TRIOBP: variants seen among roughly 807,000 people sequenced by gnomAD.
TRIOBP encodes the protein TRIO and F-actin-binding protein.
Under a neutral mutation model 238.8 loss-of-function variants are expected in TRIOBP, and 169 were observed. That is an observed-to-expected ratio of 0.71 (90% CI 0.62 to 0.80). TRIOBP has a LOEUF of 0.80. TRIOBP is among the 30% of genes least tolerant of loss of function. The pLI is 0.00. For missense variants in TRIOBP, 2,838 were observed against 3,122.6 expected, an observed-to-expected ratio of 0.91 and a Z score of 2.17; for synonymous variants, 1,150 against 1,274.4, an observed-to-expected ratio of 0.90 and a Z score of 2.08.
chr22:37,711,271 A>AAAAC (rs1436192820), intron 4 of TRIOBP, among the ~76,000 whole-genome samples: 2 of 152,306 alleles, frequency 1.3e-5, no homozygotes, highest in Admixed American at 6.5e-5. Flanking sequence ...TAGGCATATT[A>AAAAC]AAACAAACAA....
chr22:37,745,996 G>A (rs1350339276), intron 11 of TRIOBP, among the ~76,000 whole-genome samples: 1 of 137,506 alleles, frequency 7.3e-6, no homozygotes, highest in Non-Finnish European at 1.6e-5. Context: ...GGGCCCGCCC[G>A]CCCTCCGGCC....
Position 37,733,441 on chromosome 22 carries a change from G to A in TRIOBP, c.4062+29G>A, listed in dbSNP as rs950853963. 2.2e-5 allele frequency: 34 copies of A among 1,517,274 alleles called. 1 individual carries two copies. The highest frequency in any genetic ancestry group is 2.0e-4 in the Admixed American group (10 of 50,942). The allele number at this position is 1,517,274 out of a possible 1,614,324, so 94.0% of individuals were successfully genotyped here. ...AGCACTGCCAGCTGTCTGGGGCCCCGCACCCCAAGGGGCGGCCACTGCCTC... is the reference window on the plus strand; with the variant it reads ...AGCACTGCCAGCTGTCTGGGGCCCCACACCCCAAGGGGCGGCCACTGCCTC... On this transcript the variant is annotated intron_variant, in intron 8 of 23. Coordinates refer to ENST00000644935, the MANE Select transcript of TRIOBP (RefSeq NM_001039141.3).
In TRIOBP at chr22:37,719,202, CAAAT is replaced by C. The variant is rs57821341; in HGVS notation, c.628+3299_628+3302del. On this transcript the variant is annotated intron_variant, in intron 6 of 23. Coordinates refer to ENST00000644935, the MANE Select transcript of TRIOBP (RefSeq NM_001039141.3). ...TGGGCAACAGAATAAGACTCCATCT[CAAAT>C]AAATAAATAAATAAATAAATAAATA... Among the ~76,000 whole-genome samples, 260 of 145,918 alleles carry C rather than the reference CAAAT, an allele frequency of 1.8e-3. 1 individual carries two copies. Among genetic ancestry groups the C allele is most frequent in the South Asian group, 2.5e-3 (11 of 4,436 alleles).
Position 37,726,137 on chromosome 22 carries a change from C to T in TRIOBP, c.3581C>T (p.Thr1194Ile). Reference protein sequence around the residue: ...PSLFFQDPPGTSMESLAPSTD... With the variant: ...PSLFFQDPPGISMESLAPSTD... ...CTCTTCTTCCAGGATCCCCCTGGAA[C>T]TAGTATGGAGAGCCTGGCCCCCTCC... is the stretch of plus-strand genomic sequence containing the variant. Residue 1194 changes from threonine (T) to isoleucine (I), a missense_variant, in exon 7 of 24, where the codon ACT becomes ATT. Thr to Ile is a moderately conservative substitution (Grantham distance 89). Coordinates refer to ENST00000644935, the MANE Select transcript of TRIOBP (RefSeq NM_001039141.3). The T allele has an allele frequency of 6.4e-7, 1 of 1,553,376 alleles. No individual in the cohort carries two copies. The highest frequency in any genetic ancestry group is 1.4e-5 in the African/African-American group (1 of 73,384).
chr22:37,701,938 G>A (rs1922672342), intron 3 of TRIOBP, among the ~76,000 whole-genome samples: 1 of 152,028 alleles, frequency 6.6e-6, no homozygotes, highest in African/African-American at 2.4e-5. Flanking sequence ...AACCAGCCTG[G>A]CCAACATGGT....
chr22:37,725,387 G>A lies in TRIOBP; in HGVS notation c.2831G>A (p.Gly944Asp), dbSNP rs1390516827. ...TCCATCGCCCTCCGGCCAACCCAAG[G>A]TGACAGGCCTCAGACATCCTCTCCC... is the stretch of plus-strand genomic sequence containing the variant. ...WASIALRPTQ[G>D]DRPQTSSPSR... Residue 944 changes from glycine (G) to aspartate (D), a missense_variant, in exon 7 of 24, where the codon GGT becomes GAT. This residue lies in a region of TRIOBP where 2,096 missense variants were observed against 2,137.4 expected (regional missense o/e 0.98). Transcript: ENST00000644935. 1 of 1,611,744 alleles carries A rather than the reference G, an allele frequency of 6.2e-7. No individual in the cohort carries two copies. Among genetic ancestry groups the A allele is most frequent in the East Asian group, 2.2e-5 (1 of 44,826 alleles).
At chr22:37,727,985 C>T (rs1350895685) in intron 7 of TRIOBP, among the ~76,000 whole-genome samples, 3 of 152,166 alleles carry the variant, frequency 2.0e-5, no homozygotes, top group Non-Finnish European at 4.4e-5. Flanking sequence ...TATAATTCAA[C>T]GAATTTTTAG....
At position 37,746,420 on chromosome 22, in the gene TRIOBP, G is replaced by T. The variant is rs781215035; in HGVS notation, c.5323-5352G>T. 9 of 1,419,420 alleles carry T rather than the reference G, an allele frequency of 6.3e-6. No homozygotes were observed. The South Asian group carries it at 1.1e-4, about 17-fold the overall frequency. 87.9% of individuals were successfully genotyped at this position (1,419,420 alleles called of 1,614,324 possible). A position where few individuals can be genotyped will look rare whatever the true frequency, so the allele number is the denominator to read the frequency against. ...CGCCGCCCTGGGGCGCCGCCATGAC[G>T]GTGAGTGCCCCAGTCAGCCGCCCGC... On this transcript the variant is annotated intron_variant, in intron 11 of 23. Coordinates refer to ENST00000644935, the MANE Select transcript of TRIOBP (RefSeq NM_001039141.3).
In TRIOBP at chr22:37,740,915, G is replaced by A; in HGVS notation, c.5205G>A (p.Glu1735=). The A allele has an allele frequency of 7.0e-6, 11 of 1,574,266 alleles. No homozygotes were observed. Among genetic ancestry groups the A allele is most frequent in the Non-Finnish European group, 9.5e-6 (11 of 1,159,822 alleles). The change falls in exon 11 of 24, where the codon GAG becomes GAA. Residue 1735 remains glutamate, a synonymous_variant. Coordinates refer to ENST00000644935, the MANE Select transcript of TRIOBP (RefSeq NM_001039141.3). ...QADSADKRPA[E]GKAGSPLKGR... ...GACAGGCAGACAAGAGGCCAGCAGA[G>A]GGCAAGGCTGGGAGCCCGCTCAAGG...
At chr22:37,735,569 C>A in intron 9 of TRIOBP, 127 bp downstream of exon 9, 1 of 1,139,900 alleles carries the variant, frequency 8.8e-7, no homozygotes, top group Non-Finnish European at 1.3e-6. Context: ...AGACCTCAGC[C>A]TCCCTGCTGA....
intron 7 of TRIOBP, 24 bp from the exon 8 acceptor site, chr22:37,733,274 A>G (rs1924510123): frequency 6.6e-7 from 1 of 1,518,996 alleles, no homozygotes; most frequent in South Asian, 1.2e-5. Flanking sequence ...AGTCCCTCAG[A>G]GGAGTGGCTG....
At chr22:37,708,690 C>T (rs912001094) in intron 3 of TRIOBP, among the ~76,000 whole-genome samples, 13 of 152,204 alleles carry the variant, frequency 8.5e-5, no homozygotes, top group Non-Finnish European at 8.8e-5. Context: ...AGGTCTTGGT[C>T]GCTTCTCAGC....
At chr22:37,707,710 G>A (rs1295556500) in intron 3 of TRIOBP, among the ~76,000 whole-genome samples, 4 of 151,928 alleles carry the variant, frequency 2.6e-5, no homozygotes, top group Non-Finnish European at 4.4e-5. Flanking sequence ...GGGAGGCCGA[G>A]GCAGGTGGAT....
chr22:37,736,333 C>T (rs1056588029), intron 9 of TRIOBP, among the ~76,000 whole-genome samples: 2 of 152,162 alleles, frequency 1.3e-5, no homozygotes, highest in Admixed American at 6.5e-5. Flanking sequence ...TGACGGGCAG[C>T]GCTGGGGTGC....
At chr22:37,722,945 C>A (rs1264674661) in intron 6 of TRIOBP, among the ~76,000 whole-genome samples, 2 of 152,210 alleles carry the variant, frequency 1.3e-5, no homozygotes, top group Admixed American at 1.3e-4. Context: ...TTGAACCCAT[C>A]TCTTGAGTGA....
Position 37,751,796 on chromosome 22 carries a change from G to T in TRIOBP, c.5347G>T (p.Gly1783Ter). The part of the protein sequence containing the change: ...RRPDLLNFKK[G>*]WMSILDEPGE... ...GCCCGATCTGCTCAACTTCAAGAAG[G>T]GATGGATGTCGATCTTGGACGAGCC... The change falls in exon 12 of 24, where the codon GGA becomes TGA. Residue 1783 changes from glycine to a stop codon, truncating the protein, a stop_gained. Coordinates refer to ENST00000644935, the MANE Select transcript of TRIOBP (RefSeq NM_001039141.3). LOFTEE classifies it high-confidence loss of function. 1 of 1,614,146 alleles carries T rather than the reference G, an allele frequency of 6.2e-7. No individual in the cohort carries two copies. Among genetic ancestry groups the T allele is most frequent in the Non-Finnish European group, 8.5e-7 (1 of 1,180,014 alleles).
chr22:37,763,064 G>T (rs1216687269), intron 17 of TRIOBP, among the ~76,000 whole-genome samples: 1 of 152,168 alleles, frequency 6.6e-6, no homozygotes, highest in Non-Finnish European at 1.5e-5. Context: ...CTGTTCGTCA[G>T]CTGAGTCCCA....
chr22:37,710,071 C>T (rs1923155750), intron 3 of TRIOBP, among the ~76,000 whole-genome samples: 1 of 152,260 alleles, frequency 6.6e-6, no homozygotes, highest in Admixed American at 6.5e-5. Context: ...TGAAGTTGCA[C>T]TCATGCAAAC....
intron 18 of TRIOBP, 72 bp downstream of exon 18, chr22:37,765,889 G>A: frequency 1.3e-6 from 2 of 1,500,144 alleles, no homozygotes; most frequent in Non-Finnish European, 1.8e-6. Flanking sequence ...TAGCCAAACT[G>A]GGGAGGATTT....
Sources: allele counts gnomAD v4.1 joint callset (sites outside exome capture counted in the v4.1 genomes callset), GRCh38; gene constraint gnomAD v4.1.1; regional missense constraint gnomAD v4.1.1; transcripts MANE v1.5; gene names NCBI Gene and HGNC (gene_info 2026-07-23, HGNC 2026-07-21).